GREB1: variants seen among roughly 807,000 people sequenced by gnomAD.
GREB1 encodes protein GREB1.
Under a neutral mutation model 200.7 loss-of-function variants are expected in GREB1, and 106 were observed. That is an observed-to-expected ratio of 0.53 (90% CI 0.45 to 0.62). GREB1 has a LOEUF of 0.62. GREB1 is among the 20% of genes least tolerant of loss of function. GREB1 has a pLI of 0.00. For synonymous variants in GREB1, 1,132 were observed against 1,092.4 expected, an observed-to-expected ratio of 1.04 and a Z score of -0.72; for missense variants, 2,243 against 2,556.8, an observed-to-expected ratio of 0.88 and a Z score of 2.65.
At chr2:11,519,378 C>G (rs1232178411) in intron 1 of GREB1, among the ~76,000 whole-genome samples, 1 of 151,594 alleles carries the variant, frequency 6.6e-6, no homozygotes, top group African/African-American at 2.4e-5. Flanking sequence ...TAGTAAGTCC[C>G]CCAGGTATTC....
At position 11,566,613 on chromosome 2, in the gene GREB1, C is replaced by T; in HGVS notation, c.411C>T (p.Asp137=). ...ACCATCTCCTGGTGTGCGCCGTTGA[C>T]AAGAGGTTCTTGCCAGATGACAATG... ...LPDHLLVCAV[D]KRFLPDDNGH... The change falls in exon 4 of 33, where the codon GAC becomes GAT. Residue 137 remains aspartate, a synonymous_variant. Coordinates refer to ENST00000381486, the MANE Select transcript of GREB1 (RefSeq NM_014668.4). 12 of 1,614,032 alleles carry T rather than the reference C, an allele frequency of 7.4e-6. No individual in the cohort carries two copies. The highest frequency in any genetic ancestry group is 1.3e-5 in the African/African-American group (1 of 75,034).
chr2:11,631,954 C>T lies in GREB1; in HGVS notation c.4657C>T (p.Arg1553Cys), dbSNP rs1471867130. The change falls in exon 27 of 33, where the codon CGT becomes TGT. Residue 1553 changes from arginine to cysteine, a missense_variant. Physicochemically the swap from Arg to Cys is radical, Grantham distance 180. This residue lies in a region of GREB1 where 478 missense variants were observed against 616.3 expected (regional missense o/e 0.78). Coordinates refer to ENST00000381486, the MANE Select transcript of GREB1 (RefSeq NM_014668.4). Reference sequence around the variant, plus strand: ...TCCGACATTCACTCCAACCACCGGCCGTCACGAACATGGGCTCTTTAATCT... The same window carrying T: ...TCCGACATTCACTCCAACCACCGGCTGTCACGAACATGGGCTCTTTAATCT... Reference protein sequence around the residue: ...KSPTFTPTTGRHEHGLFNLYH... With the variant: ...KSPTFTPTTGCHEHGLFNLYH... 16 of 1,613,990 alleles carry T rather than the reference C, an allele frequency of 9.9e-6. No homozygotes were observed. Among genetic ancestry groups the T allele is most frequent in the Admixed American group, 3.3e-5 (2 of 59,998 alleles).
upstream of GREB1, among the ~76,000 whole-genome samples, chr2:11,530,945 C>A (rs765944096): frequency 4.6e-5 from 7 of 152,046 alleles, no homozygotes; most frequent in Admixed American, 2.0e-4. Flanking sequence ...GAGCAGACAC[C>A]GGCTCTCTCT....
chr2:11,552,821 C>T (rs1186598328), intron 1 of GREB1, among the ~76,000 whole-genome samples: 1 of 151,940 alleles, frequency 6.6e-6, no homozygotes, highest in Admixed American at 6.6e-5. Context: ...ACCATCCTGG[C>T]TAACACGGTG....
intron 1 of GREB1, among the ~76,000 whole-genome samples, chr2:11,503,799 T>G (rs923993213): frequency 6.6e-5 from 10 of 152,338 alleles, no homozygotes; most frequent in African/African-American, 2.2e-4. Flanking sequence ...TCCTGTTTAT[T>G]GCATATTACA....
intron 17 of GREB1, among the ~76,000 whole-genome samples, chr2:11,605,287 G>A (rs766980852): frequency 1.1e-4 from 17 of 150,292 alleles, no homozygotes; most frequent in Non-Finnish European, 1.8e-4. Flanking sequence ...GTGCAACGGC[G>A]CGATCTCAGC....
At chr2:11,603,774 C>T (rs1040535912) in intron 17 of GREB1, among the ~76,000 whole-genome samples, 6 of 152,266 alleles carry the variant, frequency 3.9e-5, no homozygotes, top group Non-Finnish European at 7.3e-5. Flanking sequence ...CCTTCCTCTG[C>T]TTCTCCTCAG....
At chr2:11,625,827 T>C (rs920304718) in intron 24 of GREB1, among the ~76,000 whole-genome samples, 21 of 152,142 alleles carry the variant, frequency 1.4e-4, no homozygotes, top group Admixed American at 1.4e-3. Flanking sequence ...GATAAAGACA[T>C]ACCTGAGACT....
At position 11,543,218 on chromosome 2, in the gene GREB1, A is replaced by G. The variant is rs531897472; in HGVS notation, c.-162+8964A>G. On this transcript the variant is annotated intron_variant, in intron 1 of 32. Transcript: ENST00000381486. ...TATCTGCTCAGAGAGGCACGTTTCA[A>G]TAGGTGTACTCCTAAGGAAGCCAGA... Among the ~76,000 whole-genome samples, 4 of 152,346 alleles carry G rather than the reference A, an allele frequency of 2.6e-5. No homozygotes were observed. The South Asian group carries it at 8.3e-4, about 32-fold the overall frequency.
rs537717436 is a variant in GREB1 at position 11,597,344 on chromosome 2, T to A, written c.1955-437T>A. ...GTCTCTGAGGTGATAGATTTTTCTA[T>A]GCCAATTTCCTGCCTCTGAGTCTGT... On this transcript the variant is annotated intron_variant, in intron 13 of 32. Transcript: ENST00000381486. This position sits in a 1 kb window ranked among gnomAD's most constrained non-coding sequence, Gnocchi z 4.1. 2.0e-5 allele frequency among the ~76,000 whole-genome samples: 3 copies of A among 152,298 alleles called. No individual in the cohort carries two copies. In the South Asian group the frequency reaches 6.2e-4, roughly 32 times the overall value.
intron 8 of GREB1, 135 bp downstream of exon 8, chr2:11,585,409 G>A: frequency 1.6e-6 from 1 of 619,344 alleles, no homozygotes; most frequent in Non-Finnish European, 2.8e-6. Context: ...GGAGTTCTAA[G>A]GAGGCAGAGT....
In GREB1 at chr2:11,539,029, T is replaced by C. The variant is rs1045095114; in HGVS notation, c.-162+4775T>C. The stretch of plus-strand genomic sequence containing the variant: ...CTCCCTTCTCCTCCCTTCTCTTCTC[T>C]TCTCTTCTCTTCTCTTCTCTTCTCT... On this transcript the variant is annotated intron_variant, in intron 1 of 32. Coordinates refer to ENST00000381486, the MANE Select transcript of GREB1 (RefSeq NM_014668.4). 2.1e-4 allele frequency among the ~76,000 whole-genome samples: 8 copies of C among 38,968 alleles called. 1 individual carries two copies. In the East Asian group the frequency reaches 2.9e-3, roughly 14 times the overall value. The allele number at this position is 38,968 out of a possible 152,430, so 25.6% of individuals were successfully genotyped here. A position where few individuals can be genotyped will look rare whatever the true frequency, so the allele number is the denominator to read the frequency against.
intron 3 of GREB1, among the ~76,000 whole-genome samples, chr2:11,564,280 C>T (rs893749211): frequency 3.3e-5 from 5 of 151,982 alleles, no homozygotes; most frequent in South Asian, 2.1e-4. Context: ...ACTCGGCCCT[C>T]GATGGGCTGC....
At chr2:11,619,307 T>C (rs1200961028) in intron 22 of GREB1, among the ~76,000 whole-genome samples, 1 of 152,204 alleles carries the variant, frequency 6.6e-6, no homozygotes, top group Non-Finnish European at 1.5e-5. Flanking sequence ...TGTTTCCCTG[T>C]CTCAGCCTTC....
chr2:11,625,087 C>T (rs867969571), intron 23 of GREB1, 67 bp from the exon 24 acceptor site: 87 of 1,260,662 alleles, frequency 6.9e-5, no homozygotes, highest in Admixed American at 1.4e-4. Flanking sequence ...TGTTGTTTAG[C>T]GACACATGAC....
intron 1 of GREB1, among the ~76,000 whole-genome samples, chr2:11,497,971 CTTTTTTTT>C (rs70955803): frequency 1.7e-3 from 68 of 40,542 alleles, no homozygotes; most frequent in Non-Finnish European, 2.5e-3. Context: ...CAGAGCAAAA[CTTTTTTTT>C]TTTTTTTTTT....
chr2:11,520,381 A>G (rs186356003), intron 1 of GREB1, among the ~76,000 whole-genome samples: 14 of 152,330 alleles, frequency 9.2e-5, no homozygotes, highest in Admixed American at 7.2e-4. Context: ...GGCTAGATTC[A>G]TGATGTCAGC....
Position 11,631,865 on chromosome 2 carries a change from C to A in GREB1, c.4612-44C>A, listed in dbSNP as rs551815462. The A allele has an allele frequency of 1.4e-5, 19 of 1,406,800 alleles. No homozygotes were observed. The South Asian group carries it at 2.1e-4, about 15-fold the overall frequency. The allele number at this position is 1,406,800 out of a possible 1,614,324, so 87.1% of individuals were successfully genotyped here. On this transcript the variant is annotated intron_variant, in intron 26 of 32. Coordinates refer to ENST00000381486, the MANE Select transcript of GREB1 (RefSeq NM_014668.4). ...TCACATGTCAAGGGAATAATTGCAG[C>A]CACATTTACAAACACTCTACCTCAT... is the stretch of plus-strand genomic sequence containing the variant.
At chr2:11,526,794 G>A (rs1241211348) in intron 1 of GREB1, among the ~76,000 whole-genome samples, 2 of 152,106 alleles carry the variant, frequency 1.3e-5, no homozygotes, top group African/African-American at 2.4e-5. Context: ...CTGACCTCAA[G>A]TGATCCACCC....
Sources: gnomAD v4.1 joint callset for allele counts (sites outside exome capture counted in the v4.1 genomes callset) on GRCh38, gnomAD v4.1.1 for gene constraint, gnomAD v4.1.1 regional missense constraint, Gnocchi (gnomAD v3.1) non-coding constraint, MANE v1.5 for transcripts, NCBI Gene and HGNC (gene_info 2026-07-23, HGNC 2026-07-21) for gene names.